The following SCGB2B2 variants were observed in gnomAD, a reference collection of about 807,000 sequenced individuals.
SCGB2B2 encodes the protein secretoglobin family 2B member 2, also known as secretoglobin-like protein.
In SCGB2B2, 11 loss-of-function variants were observed where a neutral mutation model predicts 7.6. The ratio of observed to expected loss-of-function variants is 1.45; its 90% CI spans 0.91 to 2.40. The LOEUF (loss-of-function observed/expected upper bound fraction) is 2.40, where lower values mean the gene tolerates loss of function less well. SCGB2B2 is among the 30% of genes most tolerant of loss of function. The pLI, the probability that SCGB2B2 is intolerant of heterozygous loss-of-function variation, is 0.00. For synonymous variants in SCGB2B2, 50 were observed against 48.6 expected (o/e 1.03, Z -0.12); for missense variants, 104 against 115.4 (o/e 0.90, Z 0.45).
rs147432162 is a variant in SCGB2B2, at chr19:34,666,360, C to T, written c.-2032+9270G>A. Among the ~76,000 whole-genome samples the T allele has an allele frequency of 3.2e-3, 488 of 152,248 alleles. 3 individuals carry two copies. The highest frequency in any genetic ancestry group is 0.011 in the African/African-American group (460 of 41,538). On this transcript the variant is annotated intron_variant, in intron 1 of 3. Coordinates refer to ENST00000601241, the MANE Select transcript of SCGB2B2 (RefSeq NM_001025591.4). ...CAAACACCCCACACACTCCCGACAG[C>T]GCATTCTACTCACACACACACAATC... is the stretch of plus-strand genomic sequence containing the variant.
intron 1 of SCGB2B2, among the ~76,000 whole-genome samples, chr19:34,630,859 C>G (rs1405876852): frequency 1.3e-5 from 2 of 151,860 alleles, no homozygotes; most frequent in African/African-American, 4.8e-5. Context: ...GACTTGGAAC[C>G]AACCCAAATG....
intron 1 of SCGB2B2, chr19:34,646,377 C>G (rs949847365): frequency 1.3e-5 from 2 of 153,370 alleles, no homozygotes; most frequent in Non-Finnish European, 2.9e-5. Flanking sequence ...GCAACACACA[C>G]TCACACAGGA....
intron 1 of SCGB2B2, among the ~76,000 whole-genome samples, chr19:34,662,320 C>G (rs1600069742): frequency 6.6e-6 from 1 of 152,070 alleles, no homozygotes; most frequent in East Asian, 1.9e-4. Flanking sequence ...AGTTCTTACC[C>G]ACACTTCACG....
intron 1 of SCGB2B2, among the ~76,000 whole-genome samples, chr19:34,613,156 C>T (rs562479485): frequency 5.4e-4 from 81 of 150,496 alleles, no homozygotes; most frequent in Non-Finnish European, 7.7e-4. Context: ...TGGAGTGCAG[C>T]GGTGCATTCT....
chr19:34,613,286 A>C (rs1019815444), intron 1 of SCGB2B2, among the ~76,000 whole-genome samples: 2 of 152,024 alleles, frequency 1.3e-5, no homozygotes, highest in Non-Finnish European at 2.9e-5. Flanking sequence ...TTCAGTAGAG[A>C]TGGGTTTCAC....
intron 1 of SCGB2B2, among the ~76,000 whole-genome samples, chr19:34,656,359 G>A (rs941349051): frequency 6.6e-6 from 1 of 151,366 alleles, no homozygotes; most frequent in East Asian, 1.9e-4. Flanking sequence ...GTTCCAGCAC[G>A]CTGGGAGGCC....
intron 1 of SCGB2B2, among the ~76,000 whole-genome samples, chr19:34,621,738 G>A (rs1025103141): frequency 1.1e-4 from 17 of 152,006 alleles, no homozygotes; most frequent in African/African-American, 4.1e-4. Flanking sequence ...CCTTTCACTG[G>A]TTTGCACAGG....
intron 1 of SCGB2B2, among the ~76,000 whole-genome samples, chr19:34,622,896 A>T (rs1274240342): frequency 6.8e-6 from 1 of 147,328 alleles, no homozygotes; most frequent in African/African-American, 2.5e-5. Flanking sequence ...CTTTCCAAAA[A>T]GGCTGAGGGG....
At chr19:34,645,940 C>A in intron 1 of SCGB2B2, 1 of 283,898 alleles carries the variant, frequency 3.5e-6, no homozygotes. Context: ...TTTGCATACC[C>A]AGAGGACCTG....
intron 1 of SCGB2B2, among the ~76,000 whole-genome samples, chr19:34,597,081 T>C (rs2065478565): frequency 6.6e-6 from 1 of 151,182 alleles, no homozygotes; most frequent in African/African-American, 2.4e-5. Context: ...GGGAGGGACA[T>C]GCTCAGTGAT....
intron 1 of SCGB2B2, among the ~76,000 whole-genome samples, chr19:34,628,321 A>G (rs1036360317): frequency 2.0e-5 from 3 of 148,314 alleles, no homozygotes; most frequent in Admixed American, 1.3e-4. Context: ...CAAAAAATCA[A>G]TGAATCCAGG....
At chr19:34,597,470 C>T (rs1233353294) in intron 1 of SCGB2B2, among the ~76,000 whole-genome samples, 1 of 152,164 alleles carries the variant, frequency 6.6e-6, no homozygotes, top group Non-Finnish European at 1.5e-5. Context: ...CAGACATCTC[C>T]CGTGCACCAC....
Position 34,591,111 on chromosome 19 carries a change from C to A in SCGB2B2, c.*2444G>T, listed in dbSNP as rs2065286739. ...GTTTTTGTCTCCAGGCCCAACTATT[C>A]CATGAGCTCCAAACTAGAGCGTCTC... On this transcript the variant is annotated 3_prime_UTR_variant, in exon 4 of 4. Transcript: ENST00000601241. Among the ~76,000 whole-genome samples, 1 of 152,158 alleles carries A rather than the reference C, an allele frequency of 6.6e-6. No homozygotes were observed.
intron 1 of SCGB2B2, chr19:34,646,381 C>T (rs564100212): frequency 1.3e-5 from 2 of 153,420 alleles, no homozygotes; most frequent in East Asian, 1.9e-4. Flanking sequence ...CACACACTCA[C>T]ACAGGATGCT....
intron 1 of SCGB2B2, among the ~76,000 whole-genome samples, chr19:34,642,066 A>G (rs972527884): frequency 3.9e-5 from 6 of 152,216 alleles, no homozygotes; most frequent in African/African-American, 1.2e-4. Flanking sequence ...GCTGCAGTGA[A>G]GGGAACCCAG....
intron 1 of SCGB2B2, among the ~76,000 whole-genome samples, chr19:34,617,592 C>T (rs1361572525): frequency 1.3e-5 from 2 of 152,042 alleles, no homozygotes; most frequent in African/African-American, 4.8e-5. Flanking sequence ...TGGGCTGAGA[C>T]AATGGGGTTT....
At chr19:34,606,816 T>TAA (rs11292811) in intron 1 of SCGB2B2, among the ~76,000 whole-genome samples, 5 of 146,984 alleles carry the variant, frequency 3.4e-5, no homozygotes, top group Admixed American at 1.4e-4. Context: ...GGATGCATTG[T>TAA]AAAAAAAAAA....
chr19:34,636,135 G>A (rs1046358823), intron 1 of SCGB2B2, among the ~76,000 whole-genome samples: 2 of 152,202 alleles, frequency 1.3e-5, no homozygotes, highest in Non-Finnish European at 2.9e-5. Context: ...CAACCTGAAA[G>A]CAAAGAAATA....
chr19:34,589,330 C>A (rs886924974), downstream of SCGB2B2, among the ~76,000 whole-genome samples: 1 of 151,614 alleles, frequency 6.6e-6, no homozygotes, highest in South Asian at 2.1e-4. Flanking sequence ...CTGTCTTCTA[C>A]CAGGGAGTGG....
Sources: gnomAD v4.1 joint callset for allele counts (sites outside exome capture counted in the v4.1 genomes callset) on GRCh38, gnomAD v4.1.1 for gene constraint, MANE v1.5 for transcripts, NCBI Gene and HGNC (gene_info 2026-07-23, HGNC 2026-07-21) for gene names.